GRM5: variants seen among roughly 807,000 people sequenced by gnomAD.
GRM5 encodes the protein metabotropic glutamate receptor 5.
A neutral mutation model predicts 83.1 loss-of-function variants in GRM5; 19 were observed. The ratio of observed to expected loss-of-function variants is 0.23; its 90% CI spans 0.16 to 0.34. The LOEUF is 0.34. Ranked by LOEUF, GRM5 falls within the 10% of genes least tolerant of loss-of-function variation. The pLI is 1.00. For synonymous variants in GRM5, 675 were observed against 633.6 expected (o/e 1.07, Z -0.98); for missense variants, 1,160 against 1,588.3 (o/e 0.73, Z 4.58).
chr11:88,924,639 C>G (rs139744477), intron 2 of GRM5, among the ~76,000 whole-genome samples: 276 of 151,792 alleles, frequency 1.8e-3, no homozygotes, highest in Admixed American at 3.9e-3. Flanking sequence ...ACACTAGTTA[C>G]CAGGGACACA....
Position 88,793,666 on chromosome 11 carries a change from A to C in GRM5, c.911+56240T>G, listed in dbSNP as rs548116377. The stretch of plus-strand genomic sequence containing the variant: ...TTATATTTTATGATATAGTCATTAC[A>C]TAATTTTCCAGAACTATAATAGTTT... On this transcript the variant is annotated intron_variant, in intron 3 of 9. Coordinates refer to ENST00000305447, the MANE Select transcript of GRM5 (RefSeq NM_001143831.3). 9.2e-5 allele frequency among the ~76,000 whole-genome samples: 14 copies of C among 152,340 alleles called. No individual in the cohort carries two copies. The East Asian group carries it at 2.3e-3, about 25-fold the overall frequency.
intron 3 of GRM5, among the ~76,000 whole-genome samples, chr11:88,841,809 G>A (rs12293532): frequency 5.3e-5 from 8 of 152,062 alleles, no homozygotes; most frequent in Non-Finnish European, 1.2e-4. Flanking sequence ...TCACAGTATT[G>A]CAAAAGACAT....
chr11:88,651,489 T>C (rs1591412661), intron 4 of GRM5, among the ~76,000 whole-genome samples: 1 of 152,028 alleles, frequency 6.6e-6, no homozygotes, highest in Admixed American at 6.6e-5. Context: ...GAAGGACATA[T>C]GATCCCCAAA....
intron 3 of GRM5, among the ~76,000 whole-genome samples, chr11:88,701,145 C>T (rs1043776645): frequency 1.3e-5 from 2 of 152,158 alleles, no homozygotes; most frequent in African/African-American, 4.8e-5. Flanking sequence ...AGCTGCCACT[C>T]AGCCACTGTA....
At chr11:88,607,901 T>C (rs78197875) in intron 4 of GRM5, among the ~76,000 whole-genome samples, 6,285 of 152,296 alleles carry the variant, frequency 0.041, 392 homozygotes, top group African/African-American at 0.13. Context: ...AACTGTATGA[T>C]GGTCTGATAA....
intron 2 of GRM5, among the ~76,000 whole-genome samples, chr11:89,005,693 G>A (rs1327275236): frequency 6.6e-6 from 1 of 152,142 alleles, no homozygotes; most frequent in Non-Finnish European, 1.5e-5. Context: ...GCATTTAGGA[G>A]GTGATCAGTA....
intron 2 of GRM5, among the ~76,000 whole-genome samples, chr11:89,001,524 T>C (rs1940379526): frequency 1.3e-5 from 2 of 151,996 alleles, no homozygotes; most frequent in Non-Finnish European, 2.9e-5. Flanking sequence ...GGAGAACAGG[T>C]TAGTGGTTGT....
At chr11:89,015,781 T>C (rs1412001787) in intron 2 of GRM5, among the ~76,000 whole-genome samples, 1 of 152,196 alleles carries the variant, frequency 6.6e-6, no homozygotes, top group East Asian at 1.9e-4. Flanking sequence ...CATATCTCAT[T>C]ATACCTTTGA....
At chr11:88,931,946 C>T (rs1472981062) in intron 2 of GRM5, among the ~76,000 whole-genome samples, 1 of 152,050 alleles carries the variant, frequency 6.6e-6, no homozygotes. Context: ...TATTTGATCT[C>T]ATCTATTAGG....
At chr11:88,553,738 C>G (rs10128672) in intron 8 of GRM5, among the ~76,000 whole-genome samples, 6,980 of 152,202 alleles carry the variant, frequency 0.046, 508 homozygotes, top group African/African-American at 0.15. Context: ...CAGAGCCAAC[C>G]TAGGGATGAA....
chr11:88,747,430 T>C (rs760313684), intron 3 of GRM5, among the ~76,000 whole-genome samples: 1 of 152,172 alleles, frequency 6.6e-6, no homozygotes, highest in Non-Finnish European at 1.5e-5. Flanking sequence ...CTTATGTTCC[T>C]GTTAAACTAC....
chr11:88,779,899 A>C (rs1453366864), intron 3 of GRM5, among the ~76,000 whole-genome samples: 1 of 152,062 alleles, frequency 6.6e-6, no homozygotes, highest in Non-Finnish European at 1.5e-5. Flanking sequence ...CACTGGTCCC[A>C]TTCCTTTTTC....
At chr11:88,841,261 C>A (rs1944195063) in intron 3 of GRM5, among the ~76,000 whole-genome samples, 1 of 152,112 alleles carries the variant, frequency 6.6e-6, no homozygotes, top group Admixed American at 6.6e-5. Context: ...TTAATGGTGT[C>A]TTGGAACTTG....
intron 3 of GRM5, among the ~76,000 whole-genome samples, chr11:88,779,599 A>G (rs1942933347): frequency 6.6e-6 from 1 of 152,186 alleles, no homozygotes; most frequent in Non-Finnish European, 1.5e-5. Flanking sequence ...TTTCAGAATT[A>G]AAGAAATTAA....
chr11:88,554,643 A>G (rs61901965), intron 8 of GRM5, among the ~76,000 whole-genome samples: 16,736 of 152,196 alleles, frequency 0.11, 1,233 homozygotes, highest in Non-Finnish European at 0.16. Context: ...TTAATTAACT[A>G]TGTTCCTGCA....
intron 4 of GRM5, among the ~76,000 whole-genome samples, chr11:88,617,329 T>C (rs1406151132): frequency 6.6e-6 from 1 of 152,136 alleles, no homozygotes; most frequent in African/African-American, 2.4e-5. Context: ...TTGAGAACTC[T>C]GAAAAATAAG....
intron 4 of GRM5, among the ~76,000 whole-genome samples, chr11:88,636,247 C>G (rs544548851): frequency 6.6e-6 from 1 of 152,190 alleles, no homozygotes; most frequent in Non-Finnish European, 1.5e-5. Context: ...CACGGTGGCT[C>G]ACGCTTGTAA....
rs983481545 is a variant in GRM5, at chr11:88,598,012, A to G, written c.1395-660T>C. ...ATAGAAATGTAAAAAGAGAAAATCA[A>G]TGTGCTAACTTACAAGCCTTTTCTT... On this transcript the variant is annotated intron_variant, in intron 5 of 9. Transcript: ENST00000305447. 7.2e-5 allele frequency among the ~76,000 whole-genome samples: 11 copies of G among 152,254 alleles called. No individual in the cohort carries two copies. In the South Asian group the frequency reaches 8.3e-4, roughly 11 times the overall value.
chr11:88,687,040 C>T (rs1940644910), intron 3 of GRM5, among the ~76,000 whole-genome samples: 2 of 152,124 alleles, frequency 1.3e-5, no homozygotes, highest in Admixed American at 1.3e-4. Context: ...CCCAGCATTT[C>T]ATCTGGCCTA....
Sources: gnomAD v4.1 joint callset for allele counts (sites outside exome capture counted in the v4.1 genomes callset) on GRCh38, gnomAD v4.1.1 for gene constraint, MANE v1.5 for transcripts, NCBI Gene and HGNC (gene_info 2026-07-23, HGNC 2026-07-21) for gene names.